Variants in SOX6 observed in about 807,000 individuals in gnomAD.
SOX6 encodes the protein SRY-box transcription factor 6.
Under a neutral mutation model 97.8 loss-of-function variants are expected in SOX6, and 11 were observed. The ratio of observed to expected loss-of-function variants is 0.11; its 90% confidence interval spans 0.07 to 0.19. The LOEUF (loss-of-function observed/expected upper bound fraction) is 0.19, where lower values mean the gene tolerates loss of function less well. SOX6 is among the 10% of genes least tolerant of loss of function. The probability of loss-of-function intolerance (pLI) is 1.00; values close to 1 mark genes in which losing one functional copy is unlikely to be tolerated. For missense variants in SOX6, 810 were observed against 1,039.5 expected, an observed-to-expected ratio of 0.78 and a Z score of 3.04; for synonymous variants, 360 against 371.4, an observed-to-expected ratio of 0.97 and a Z score of 0.35.
intron 3 of SOX6, among the ~76,000 whole-genome samples, chr11:16,258,897 T>TATACATATATACACACACATAC (rs1462857392): frequency 2.6e-5 from 4 of 151,504 alleles, no homozygotes; most frequent in Non-Finnish European, 4.4e-5. Flanking sequence ...CACACACATA[T>TATACATATATACACACACATAC]ATACATATAT....
At chr11:16,240,739 C>G (rs1204005994) in intron 3 of SOX6, among the ~76,000 whole-genome samples, 1 of 151,962 alleles carries the variant, frequency 6.6e-6, no homozygotes, top group Admixed American at 6.6e-5. Context: ...TGGCCTGCTG[C>G]TATAACTAAA....
chr11:16,066,474 T>C (rs760106420), intron 9 of SOX6, among the ~76,000 whole-genome samples: 1 of 152,226 alleles, frequency 6.6e-6, no homozygotes, highest in African/African-American at 2.4e-5. Context: ...CAGCACTGTT[T>C]GCAATACCAA....
chr11:16,611,945 A>G (rs1848403414), intron 4 of SOX6: 1 of 152,634 alleles, frequency 6.6e-6, no homozygotes, highest in South Asian at 2.1e-4. Flanking sequence ...AATCAAAAAT[A>G]AGTTTTACAG....
At chr11:16,501,220 T>C (rs1465357310) in intron 4 of SOX6, among the ~76,000 whole-genome samples, 1 of 152,238 alleles carries the variant, frequency 6.6e-6, no homozygotes, top group Non-Finnish European at 1.5e-5. Context: ...AAGGATTCCC[T>C]ATTTAATAAA....
intron 4 of SOX6, among the ~76,000 whole-genome samples, chr11:16,575,441 G>T (rs1359498714): frequency 6.6e-6 from 1 of 150,386 alleles, no homozygotes; most frequent in Admixed American, 6.6e-5. Context: ...ATGAATATAT[G>T]CAAAAAAAGG....
At chr11:16,224,645 G>A (rs1852631551) in intron 4 of SOX6, among the ~76,000 whole-genome samples, 1 of 151,484 alleles carries the variant, frequency 6.6e-6, no homozygotes, top group African/African-American at 2.4e-5. Flanking sequence ...CATGCAAAGT[G>A]GTATAATTAA....
At chr11:16,594,666 T>C (rs1848190334) in intron 4 of SOX6, among the ~76,000 whole-genome samples, 1 of 150,740 alleles carries the variant, frequency 6.6e-6, no homozygotes, top group Admixed American at 6.6e-5. Flanking sequence ...TCAATTTTTA[T>C]TTTCTTTTCG....
At chr11:16,269,640 T>C (rs748342086) in intron 3 of SOX6, among the ~76,000 whole-genome samples, 17 of 151,004 alleles carry the variant, frequency 1.1e-4, no homozygotes, top group Non-Finnish European at 2.1e-4. Context: ...GCTTTCCTCA[T>C]ATGAAATTTG....
chr11:15,968,268 C>G lies in SOX6; in HGVS notation c.*4541G>C, dbSNP rs746501681. 11 of 152,184 alleles carry G rather than the reference C, an allele frequency of 7.2e-5. No individual in the cohort carries two copies. The highest frequency in any genetic ancestry group is 1.3e-4 in the Non-Finnish European group (9 of 68,026). The allele number at this position is 152,184 out of a possible 1,614,324, so 9.4% of individuals were successfully genotyped here. A position where few individuals can be genotyped will look rare whatever the true frequency, so the allele number is the denominator to read the frequency against. On this transcript the variant is annotated 3_prime_UTR_variant, in exon 16 of 16. Transcript: ENST00000683767. Reference sequence around the variant, plus strand: ...ATTCTTAGACAAACGTGTACAAAATCAGGCAGGGCTACAGCAACCATTTTT... The same window carrying G: ...ATTCTTAGACAAACGTGTACAAAATGAGGCAGGGCTACAGCAACCATTTTT...
At chr11:16,363,103 C>T (rs1798168785) in intron 1 of SOX6, among the ~76,000 whole-genome samples, 1 of 152,162 alleles carries the variant, frequency 6.6e-6, no homozygotes, top group African/African-American at 2.4e-5. Context: ...CCCTTATATA[C>T]TTGCATTCTA....
At chr11:16,130,856 G>C (rs755013595) in intron 6 of SOX6, among the ~76,000 whole-genome samples, 1 of 151,910 alleles carries the variant, frequency 6.6e-6, no homozygotes, top group Non-Finnish European at 1.5e-5. Context: ...ATGATGTCAA[G>C]ATAATTCAGT....
At chr11:16,572,060 T>A (rs879641089) in intron 4 of SOX6, among the ~76,000 whole-genome samples, 3 of 152,244 alleles carry the variant, frequency 2.0e-5, no homozygotes, top group Non-Finnish European at 4.4e-5. Flanking sequence ...TACCTATAAA[T>A]GTTTCTTCTT....
intron 9 of SOX6, among the ~76,000 whole-genome samples, chr11:16,068,101 G>A (rs1009146153): frequency 2.6e-5 from 4 of 152,120 alleles, no homozygotes; most frequent in Non-Finnish European, 4.4e-5. Context: ...AGTAGGGTAC[G>A]GTAGGGTAGG....
Position 16,490,393 on chromosome 11 carries a change from A to T in SOX6, n.610-14005T>A, listed in dbSNP as rs190129982. On this transcript the variant is annotated intron_variant and non_coding_transcript_variant, in intron 4 of 5. Coordinates refer to the SOX6 transcript ENST00000524520. Reference sequence around the variant, plus strand: ...ATACTCCTTTAATAATCATATATATATTTTAGATCACTATTTTGCAAAGTG... The same window carrying T: ...ATACTCCTTTAATAATCATATATATTTTTTAGATCACTATTTTGCAAAGTG... 8.1e-3 allele frequency among the ~76,000 whole-genome samples: 1,237 copies of T among 152,112 alleles called. 17 individuals are homozygous for T. The highest frequency in any genetic ancestry group is 0.028 in the African/African-American group (1,180 of 41,530).
chr11:16,588,759 T>C (rs1848121553), intron 4 of SOX6, among the ~76,000 whole-genome samples: 1 of 152,226 alleles, frequency 6.6e-6, no homozygotes, highest in Non-Finnish European at 1.5e-5. Context: ...CCAGGCACCA[T>C]GGCTTAAGCC....
chr11:16,496,566 T>C (rs924314997), intron 4 of SOX6, among the ~76,000 whole-genome samples: 1 of 152,194 alleles, frequency 6.6e-6, no homozygotes, highest in Non-Finnish European at 1.5e-5. Flanking sequence ...TTCCCTTTCC[T>C]AGTCAAAGAA....
chr11:16,068,052 AGACATCATTCAAGGG>A (rs1473232042), intron 9 of SOX6, among the ~76,000 whole-genome samples: 1 of 152,204 alleles, frequency 6.6e-6, no homozygotes, highest in African/African-American at 2.4e-5. Flanking sequence ...CTAGTGTGAC[AGACATCATTCAAGGG>A]GACAATAGAA....
chr11:16,116,173 ATAAG>A (rs1849343010), intron 6 of SOX6, among the ~76,000 whole-genome samples: 1 of 152,200 alleles, frequency 6.6e-6, no homozygotes, highest in Non-Finnish European at 1.5e-5. Context: ...GTCTAATTAC[ATAAG>A]TAATAATAGT....
At chr11:16,733,583 G>T (rs1357314481) in intron 2 of SOX6, among the ~76,000 whole-genome samples, 12 of 151,054 alleles carry the variant, frequency 7.9e-5, no homozygotes, top group South Asian at 2.1e-4. Context: ...TGTTGGGGGT[G>T]GGGGGCTAGG....
Sources: gnomAD v4.1 joint callset for allele counts (sites outside exome capture counted in the v4.1 genomes callset) on GRCh38, gnomAD v4.1.1 for gene constraint, MANE v1.5 for transcripts, NCBI Gene and HGNC (gene_info 2026-07-23, HGNC 2026-07-21) for gene names.